MLLT6: variants seen among roughly 807,000 people sequenced by gnomAD.
The protein encoded by MLLT6 is MLLT6, PHD finger containing, also known as protein AF-17.
Under a neutral mutation model 103.0 loss-of-function variants are expected in MLLT6, and 22 were observed. The ratio of observed to expected loss-of-function variants is 0.21; its 90% confidence interval spans 0.15 to 0.31. The LOEUF (loss-of-function observed/expected upper bound fraction) is 0.31, where lower values mean the gene tolerates loss of function less well. Ranked by LOEUF, MLLT6 falls within the 10% of genes least tolerant of loss-of-function variation. MLLT6 has a pLI of 1.00. For missense variants in MLLT6, 1,199 were observed against 1,441.7 expected, an observed-to-expected ratio of 0.83 and a Z score of 2.73; for synonymous variants, 606 against 623.5, an observed-to-expected ratio of 0.97 and a Z score of 0.42.
chr17:38,725,105 G>C, intron 19 of MLLT6, 129 bp downstream of exon 19: 1 of 671,456 alleles, frequency 1.5e-6, no homozygotes, highest in Non-Finnish European at 2.5e-6. Flanking sequence ...AAAGTACCCT[G>C]CCTCAGACCC....
chr17:38,708,988 ATG>A (rs1346649651), intron 4 of MLLT6, 183 bp from the exon 5 acceptor site: 1 of 592,090 alleles, frequency 1.7e-6, no homozygotes, highest in Non-Finnish European at 3.0e-6. Context: ...CTTATAGCCC[ATG>A]TGACTGGTGG....
At chr17:38,715,980 G>GC in intron 9 of MLLT6, 152 bp downstream of exon 9, 3 of 727,680 alleles carry the variant, frequency 4.1e-6, no homozygotes, top group Admixed American at 5.6e-5. Flanking sequence ...CTCCAAACCT[G>GC]CCCCCAAACC....
intron 18 of MLLT6, among the ~76,000 whole-genome samples, chr17:38,723,325 C>T (rs7225470): frequency 1.3e-5 from 2 of 152,104 alleles, no homozygotes; most frequent in African/African-American, 4.8e-5. Flanking sequence ...CTTGGTGAAA[C>T]TGAGTCTCTA....
chr17:38,709,411 C>A lies in MLLT6; in HGVS notation c.459-71C>A. ...TCTTGGCTTCGCCTCAGCAGGGGGCCAGGAGGGTGAGAGGAAGGTGGCTCA... is the reference window on the plus strand; with the variant it reads ...TCTTGGCTTCGCCTCAGCAGGGGGCAAGGAGGGTGAGAGGAAGGTGGCTCA... On this transcript the variant is annotated intron_variant, in intron 5 of 19. Coordinates refer to ENST00000621332, the MANE Select transcript of MLLT6 (RefSeq NM_005937.4). The surrounding 1 kb of genome is among the most constrained non-coding windows in gnomAD (Gnocchi z 4.3). 6.8e-7 allele frequency: 1 copy of A among 1,467,560 alleles called. No individual in the cohort carries two copies. Among genetic ancestry groups the A allele is most frequent in the Non-Finnish European group, 9.6e-7 (1 of 1,046,610 alleles). The allele number at this position is 1,467,560 out of a possible 1,614,324, so 90.9% of individuals were successfully genotyped here. A position where few individuals can be genotyped will look rare whatever the true frequency, so the allele number is the denominator to read the frequency against.
At position 38,716,583 on chromosome 17, in the gene MLLT6, G is replaced by A. The variant is rs761658702; in HGVS notation, c.1253G>A (p.Arg418Gln). The A allele has an allele frequency of 4.3e-6, 7 of 1,613,928 alleles. No homozygotes were observed. In the South Asian group the frequency reaches 4.4e-5, roughly 10 times the overall value. The change falls in exon 10 of 20, where the codon CGG (arginine) becomes CAG (glutamine). Residue 418 changes from arginine to glutamine, a missense_variant. Transcript: ENST00000621332. The surrounding 1 kb of genome is among the most constrained non-coding windows in gnomAD (Gnocchi z 5.6). Reference sequence around the variant, plus strand: ...TCCACCACCACCTCCAGCTCAGGCCGGGCCCGGGCGCCCTCCCCTGGGGAC... The same window carrying A: ...TCCACCACCACCTCCAGCTCAGGCCAGGCCCGGGCGCCCTCCCCTGGGGAC... ...RFSTTTSSSG[R>Q]ARAPSPGDYK...
Position 38,712,797 on chromosome 17 carries a change from T to C in MLLT6, c.819+8T>C, listed in dbSNP as rs906252881. ...GTCCCCACTGCTGACAAGGTACTGC[T>C]GCCCACCTTCAGGAGGGATGGTGTG... On this transcript the variant is annotated splice_region_variant and intron_variant, in intron 8 of 19. Coordinates refer to ENST00000621332, the MANE Select transcript of MLLT6 (RefSeq NM_005937.4). 6.2e-7 allele frequency: 1 copy of C among 1,604,900 alleles called. No homozygotes were observed.
Position 38,721,982 on chromosome 17 carries a change from G to T in MLLT6, c.2547G>T (p.Leu849=). The change falls in exon 17 of 20, where the codon CTG becomes CTT. Residue 849 remains leucine (L), a synonymous_variant. Coordinates refer to ENST00000621332, the MANE Select transcript of MLLT6 (RefSeq NM_005937.4). ...LLQQSPATLP[L]ALPGAPAPLP... ...AGCAGAGCCCTGCCACTCTGCCCCT[G>T]GCCCTGCCTGGGGCCCCTGCCCCAC... 6.7e-7 allele frequency: 1 copy of T among 1,499,668 alleles called. No individual in the cohort carries two copies. Among genetic ancestry groups the T allele is most frequent in the Non-Finnish European group, 8.9e-7 (1 of 1,126,084 alleles). 92.9% of individuals were successfully genotyped at this position (1,499,668 alleles called of 1,614,324 possible). A position where few individuals can be genotyped will look rare whatever the true frequency, so the allele number is the denominator to read the frequency against.
At chr17:38,711,814 G>A (rs1224421360) in intron 6 of MLLT6, 33 bp from the exon 7 acceptor site, 1 of 1,488,436 alleles carries the variant, frequency 6.7e-7, no homozygotes, top group South Asian at 1.4e-5. Context: ...CGTGAGAAGA[G>A]GGTTTGCAAT....
At position 38,716,548 on chromosome 17, in the gene MLLT6, C is replaced by G. The variant is rs889714117; in HGVS notation, c.1218C>G (p.Ile406Met). ...TGGTCTTCTCTGGCTTTGGGCCCAT[C>G]ATGCGCTTCTCCACCACCACCTCCA... ...QKVVFSGFGP[I>M]MRFSTTTSSS... The change falls in exon 10 of 20, where the codon ATC (isoleucine) becomes ATG (methionine). Residue 406 changes from isoleucine to methionine, a missense_variant. This residue lies in a region of MLLT6 where 1,034 missense variants were observed against 1,091.5 expected (regional missense o/e 0.95). Transcript: ENST00000621332. The surrounding 1 kb of genome is among the most constrained non-coding windows in gnomAD (Gnocchi z 5.6). The G allele has an allele frequency of 3.7e-6, 6 of 1,614,030 alleles. No homozygotes were observed. In the African/African-American group the frequency reaches 4.0e-5, roughly 11 times the overall value.
At chr17:38,723,175 C>T (rs576222152) in intron 18 of MLLT6, among the ~76,000 whole-genome samples, 1 of 152,290 alleles carries the variant, frequency 6.6e-6, no homozygotes, top group East Asian at 1.9e-4. Flanking sequence ...TCGGCTGAAA[C>T]TACCTTTGGA....
rs1661090683 is a variant in MLLT6, at chr17:38,709,904, T to C, written c.552+329T>C. ...CCAACATTTGTGTGGGAGGCAGCATTTACTACGCCTCCGCCTTAGGACAAA... is the reference window on the plus strand; with the variant it reads ...CCAACATTTGTGTGGGAGGCAGCATCTACTACGCCTCCGCCTTAGGACAAA... On this transcript the variant is annotated intron_variant, in intron 6 of 19. Coordinates refer to ENST00000621332, the MANE Select transcript of MLLT6 (RefSeq NM_005937.4). This position sits in a 1 kb window ranked among gnomAD's most constrained non-coding sequence, Gnocchi z 4.3. 6.6e-6 allele frequency among the ~76,000 whole-genome samples: 1 copy of C among 152,170 alleles called. No homozygotes were observed. Among genetic ancestry groups the C allele is most frequent in the Non-Finnish European group, 1.5e-5 (1 of 68,026 alleles).
Position 38,715,614 on chromosome 17 carries a change from C to G in MLLT6, c.822C>G (p.Val274=). 1 of 1,610,966 alleles carries G rather than the reference C, an allele frequency of 6.2e-7. No individual in the cohort carries two copies. Among genetic ancestry groups the G allele is most frequent in the Non-Finnish European group, 8.5e-7 (1 of 1,178,678 alleles). ...TPPVVPTADK[V]SSSASSSSHH... ...CCTTCCTCTCTCCTCTCCTTCAGGT[C>G]TCCTCCTCGGCTTCCTCTTCCTCCC... is the stretch of plus-strand genomic sequence containing the variant. Residue 274 remains valine (V), a splice_region_variant and synonymous_variant, in exon 9 of 20, where the codon GTC becomes GTG. Coordinates refer to ENST00000621332, the MANE Select transcript of MLLT6 (RefSeq NM_005937.4).
At chr17:38,710,975 A>G (rs1219075891) in intron 6 of MLLT6, among the ~76,000 whole-genome samples, 13 of 152,126 alleles carry the variant, frequency 8.5e-5, no homozygotes, top group Admixed American at 8.5e-4. Flanking sequence ...CAGGCTTATA[A>G]GGCTGGGGCC....
chr17:38,707,024 A>C lies in MLLT6; in HGVS notation c.184A>C (p.Arg62=), dbSNP rs373105873. 5.6e-6 allele frequency: 9 copies of C among 1,611,328 alleles called. No homozygotes were observed. The highest frequency in any genetic ancestry group is 7.6e-6 in the Non-Finnish European group (9 of 1,177,926). ...RKCESQERAA[R]VRCELCPHKD... ...ATGTGAATCTCAGGAGCGAGCAGCC[A>C]GGGTGGTGAGTTCCAGACTGCCCCT... Residue 62 remains arginine, a synonymous_variant, in exon 2 of 20, where the codon AGG becomes CGG. Coordinates refer to ENST00000621332, the MANE Select transcript of MLLT6 (RefSeq NM_005937.4).
intron 19 of MLLT6, 82 bp from the exon 20 acceptor site, chr17:38,725,475 T>C: frequency 7.6e-7 from 1 of 1,322,482 alleles, no homozygotes; most frequent in Non-Finnish European, 1.1e-6. Flanking sequence ...ACAGCAGCTT[T>C]CTTGGCCTAG....
At position 38,728,720 on chromosome 17, in the gene MLLT6, G is replaced by C. The variant is rs1247847657; in HGVS notation, c.*3122G>C. 4.3e-6 allele frequency: 1 copy of C among 234,380 alleles called. No individual in the cohort carries two copies. Among genetic ancestry groups the C allele is most frequent in the Non-Finnish European group, 8.4e-6 (1 of 118,558 alleles). The allele number at this position is 234,380 out of a possible 1,614,324, so 14.5% of individuals were successfully genotyped here. A position where few individuals can be genotyped will look rare whatever the true frequency, so the allele number is the denominator to read the frequency against. On this transcript the variant is annotated 3_prime_UTR_variant, in exon 20 of 20. Transcript: ENST00000621332. ...TCAGGACTGTGGCCTCCTGGCCCTT[G>C]GTTCCCCTGCCCCACAACATGGTCT...
chr17:38,724,344 G>T lies in MLLT6; in HGVS notation c.2884-276G>T. 1 of 421,694 alleles carries T rather than the reference G, an allele frequency of 2.4e-6. No homozygotes were observed. The highest frequency in any genetic ancestry group is 4.2e-6 in the Non-Finnish European group (1 of 238,518). 26.1% of individuals were successfully genotyped at this position (421,694 alleles called of 1,614,324 possible). ...GTCTGTGGTTGTCTTAGGAGCTGAG[G>T]GGTGATTCTGTGGGCAGGGCCAGAG... On this transcript the variant is annotated intron_variant, in intron 18 of 19. Coordinates refer to ENST00000621332, the MANE Select transcript of MLLT6 (RefSeq NM_005937.4). This position sits in a 1 kb window ranked among gnomAD's most constrained non-coding sequence, Gnocchi z 5.4.
At chr17:38,721,260 A>T (rs1443781420) in intron 16 of MLLT6, 2 of 173,688 alleles carry the variant, frequency 1.2e-5, no homozygotes, top group Non-Finnish European at 2.5e-5. Flanking sequence ...CCATTTATTA[A>T]CTGTGTGACT....
chr17:38,713,291 A>C, intron 8 of MLLT6: 1 of 416,282 alleles, frequency 2.4e-6, no homozygotes, highest in Non-Finnish European at 4.2e-6. Context: ...TCATCCCACC[A>C]TTCCCAGCAG....
Sources: gnomAD v4.1 joint callset for allele counts (sites outside exome capture counted in the v4.1 genomes callset) on GRCh38, gnomAD v4.1.1 for gene constraint, gnomAD v4.1.1 regional missense constraint, Gnocchi (gnomAD v3.1) non-coding constraint, MANE v1.5 for transcripts, NCBI Gene and HGNC (gene_info 2026-07-23, HGNC 2026-07-21) for gene names.